The following ZFYVE1 variants were observed in gnomAD, a reference collection of about 807,000 sequenced individuals.
ZFYVE1 encodes the protein zinc finger FYVE domain-containing protein 1.
Under a neutral mutation model 74.4 loss-of-function variants are expected in ZFYVE1, and 30 were observed. That is an observed-to-expected ratio of 0.40 (90% CI 0.30 to 0.55). ZFYVE1 has a LOEUF of 0.55. Ranked by LOEUF, ZFYVE1 falls within the 20% of genes least tolerant of loss-of-function variation. The pLI, the probability that ZFYVE1 is intolerant of heterozygous loss-of-function variation, is 0.42. For missense variants in ZFYVE1, 703 were observed against 1,011.6 expected, an observed-to-expected ratio of 0.69 and a Z score of 4.14; for synonymous variants, 335 against 385.1, an observed-to-expected ratio of 0.87 and a Z score of 1.52.
In ZFYVE1 at chr14:73,001,137, G is replaced by A. The variant is rs551824369; in HGVS notation, c.484-2822C>T. Among the ~76,000 whole-genome samples the A allele has an allele frequency of 2.6e-5, 4 of 152,216 alleles. No individual in the cohort carries two copies. In the East Asian group the frequency reaches 7.7e-4, roughly 29 times the overall value. On this transcript the variant is annotated intron_variant, in intron 2 of 11. Transcript: ENST00000556143. ...CATATTCCTGCTGTTGCAAAATGTT[G>A]TTTATTTATTGAAGTAATATCTACT...
Position 72,979,025 on chromosome 14 carries a change from C to T in ZFYVE1, c.1311-56G>A. On this transcript the variant is annotated intron_variant, in intron 5 of 11. Transcript: ENST00000556143. ...CGGCTAAAGGAGCCAGTGCCACTTA[C>T]ACAGAACAGCCTGACCCTGAGCCAG... The T allele has an allele frequency of 5.4e-6, 8 of 1,489,086 alleles. No individual in the cohort carries two copies. In the South Asian group the frequency reaches 5.7e-5, roughly 11 times the overall value. 92.2% of individuals were successfully genotyped at this position (1,489,086 alleles called of 1,614,324 possible).
At chr14:72,999,623 T>C (rs991401499) in intron 2 of ZFYVE1, among the ~76,000 whole-genome samples, 2 of 151,670 alleles carry the variant, frequency 1.3e-5, no homozygotes, top group African/African-American at 4.8e-5. Flanking sequence ...AAGAAAACAT[T>C]TGTAGATCAA....
At position 72,974,952 on chromosome 14, in the gene ZFYVE1, T is replaced by C. The variant is rs1489081074; in HGVS notation, c.1814A>G (p.Asn605Ser). 12 of 1,607,966 alleles carry C rather than the reference T, an allele frequency of 7.5e-6. No homozygotes were observed. The highest frequency in any genetic ancestry group is 2.2e-5 in the East Asian group (1 of 44,696). Residue 605 changes from asparagine to serine, a missense_variant, in exon 10 of 12, where the codon AAC becomes AGC. By Grantham distance (46) the Asn-to-Ser change is conservative. Coordinates refer to ENST00000556143, the MANE Select transcript of ZFYVE1 (RefSeq NM_021260.4). ...ATCTTTAAAGGACGTCGCACACTTG[T>C]TGCAGCTCTGTTCCAAGCCCAAAAC... ...WRPNSQILSC[N>S]KCATSFKDND... is the part of the protein sequence containing the mutation.
rs546127849 is a variant in ZFYVE1 at position 72,970,198 on chromosome 14, G to A, written c.*684C>T. 4.5e-4 allele frequency: 77 copies of A among 172,112 alleles called. No homozygotes were observed. The highest frequency in any genetic ancestry group is 2.9e-3 in the Middle Eastern group (1 of 344). The allele number at this position is 172,112 out of a possible 1,614,324, so 10.7% of individuals were successfully genotyped here. ...ACGGCCCCTGCATTTCTACTTCTCAGGGCCGAAGACCCGACCTCTGACCCT... is the reference window on the plus strand; with the variant it reads ...ACGGCCCCTGCATTTCTACTTCTCAAGGCCGAAGACCCGACCTCTGACCCT... On this transcript the variant is annotated 3_prime_UTR_variant, in exon 12 of 12. Coordinates refer to ENST00000556143, the MANE Select transcript of ZFYVE1 (RefSeq NM_021260.4).
At chr14:72,977,452 T>C (rs1206842515) in intron 8 of ZFYVE1, among the ~76,000 whole-genome samples, 1 of 152,100 alleles carries the variant, frequency 6.6e-6, no homozygotes, top group Admixed American at 6.5e-5. Context: ...GGAATCCCAC[T>C]TCTTAGAATA....
rs1485649046 is a variant in ZFYVE1 at position 72,994,319 on chromosome 14, T to C, written c.989-962A>G. 7.2e-5 allele frequency among the ~76,000 whole-genome samples: 4 copies of C among 55,188 alleles called. No homozygotes were observed. In the South Asian group the frequency reaches 3.2e-3, roughly 44 times the overall value. 36.2% of individuals were successfully genotyped at this position (55,188 alleles called of 152,430 possible). A position where few individuals can be genotyped will look rare whatever the true frequency, so the allele number is the denominator to read the frequency against. On this transcript the variant is annotated intron_variant, in intron 3 of 11. Coordinates refer to ENST00000556143, the MANE Select transcript of ZFYVE1 (RefSeq NM_021260.4). ...GCCTGGGAGACAGAGCGAGACGCTG[T>C]CTCAAAAAAAAAAAAAAAAAAAAAA...
chr14:73,009,592 C>T (rs74500799), intron 2 of ZFYVE1, among the ~76,000 whole-genome samples: 1 of 152,122 alleles, frequency 6.6e-6, no homozygotes, highest in African/African-American at 2.4e-5. Flanking sequence ...CCCATCTCGA[C>T]TAAAAATACA....
chr14:72,975,075 C>T lies in ZFYVE1; in HGVS notation c.1807-116G>A. 1 of 1,135,704 alleles carries T rather than the reference C, an allele frequency of 8.8e-7. No homozygotes were observed. The highest frequency in any genetic ancestry group is 1.2e-6 in the Non-Finnish European group (1 of 814,622). 70.4% of individuals were successfully genotyped at this position (1,135,704 alleles called of 1,614,324 possible). On this transcript the variant is annotated intron_variant, in intron 9 of 11. Coordinates refer to ENST00000556143, the MANE Select transcript of ZFYVE1 (RefSeq NM_021260.4). This position sits in a 1 kb window ranked among gnomAD's most constrained non-coding sequence, Gnocchi z 4.1. ...GAAACTAAGGCAGGTGGCGTTAGCTCAACAAGGACAAGAGCTTTCTAGTAA... is the reference window on the plus strand; with the variant it reads ...GAAACTAAGGCAGGTGGCGTTAGCTTAACAAGGACAAGAGCTTTCTAGTAA...
In ZFYVE1 at chr14:72,970,252, G is replaced by A. The variant is rs1289695676; in HGVS notation, c.*630C>T. 6.0e-6 allele frequency: 1 copy of A among 165,428 alleles called. No individual in the cohort carries two copies. Among genetic ancestry groups the A allele is most frequent in the African/African-American group, 2.4e-5 (1 of 41,572 alleles). 10.2% of individuals were successfully genotyped at this position (165,428 alleles called of 1,614,324 possible). On this transcript the variant is annotated 3_prime_UTR_variant, in exon 12 of 12. Coordinates refer to ENST00000556143, the MANE Select transcript of ZFYVE1 (RefSeq NM_021260.4). ...CCCACTCCGGTGACCTGCACGCTAA[G>A]TTGGGTGGTCTCTGACTAAAACAGG...
chr14:73,026,334 C>T (rs561821617), intron 1 of ZFYVE1, among the ~76,000 whole-genome samples: 1 of 152,250 alleles, frequency 6.6e-6, no homozygotes, highest in South Asian at 2.1e-4. Context: ...TCCTAATTCC[C>T]CCTAGCCTTG....
chr14:72,976,253 T>C (rs1486226066), intron 8 of ZFYVE1, among the ~76,000 whole-genome samples: 1 of 152,200 alleles, frequency 6.6e-6, no homozygotes, highest in Non-Finnish European at 1.5e-5. Flanking sequence ...AGGGAAGGCA[T>C]CTGTATCCTC....
intron 11 of ZFYVE1, 74 bp downstream of exon 11, chr14:72,974,006 A>C (rs933626215): frequency 1.5e-6 from 2 of 1,364,042 alleles, no homozygotes; most frequent in Admixed American, 1.7e-5. Context: ...AGCCTTTACA[A>C]AGTGACAGCC....
Position 73,024,537 on chromosome 14 carries a change from C to G in ZFYVE1, c.-29G>C. 6.5e-7 allele frequency: 1 copy of G among 1,549,986 alleles called. No homozygotes were observed. On this transcript the variant is annotated 5_prime_UTR_variant, in exon 2 of 12. The change abolishes an upstream ATG in the 5' untranslated region. Transcript: ENST00000556143. ...CACGCTGGTAAGGAAACACACCCAC[C>G]ATATAATAGTCACTGAGCTTGCCCC... is the stretch of plus-strand genomic sequence containing the variant.
intron 2 of ZFYVE1, among the ~76,000 whole-genome samples, chr14:73,020,772 T>C (rs1302293006): frequency 1.3e-5 from 2 of 152,158 alleles, no homozygotes; most frequent in Non-Finnish European, 2.9e-5. Context: ...GGTCAGGAGT[T>C]GGAGATCATC....
rs765065335 is a variant in ZFYVE1 at position 72,994,433 on chromosome 14, TG to T, written c.989-1077del. ...TGTGAGAACTCAGGTTACCCTTTCCTGGTAAAGGACATGAGGAGGGCTTCTA... is the reference window on the plus strand; with the variant it reads ...TGTGAGAACTCAGGTTACCCTTTCCTGTAAAGGACATGAGGAGGGCTTCTA... On this transcript the variant is annotated intron_variant, in intron 3 of 11. Transcript: ENST00000556143. 5.2e-4 allele frequency among the ~76,000 whole-genome samples: 79 copies of T among 151,256 alleles called. 7 individuals are homozygous for T. Among genetic ancestry groups the T allele is most frequent in the Admixed American group, 1.3e-4 (2 of 15,136 alleles).
intron 2 of ZFYVE1, among the ~76,000 whole-genome samples, chr14:72,999,778 G>A (rs1893830569): frequency 6.6e-6 from 1 of 152,174 alleles, no homozygotes; most frequent in Non-Finnish European, 1.5e-5. Flanking sequence ...TAAACAAAGA[G>A]GCGGGGCATG....
In ZFYVE1 at chr14:72,975,157, G is replaced by A; in HGVS notation, c.1807-198C>T. On this transcript the variant is annotated intron_variant, in intron 9 of 11. Coordinates refer to ENST00000556143, the MANE Select transcript of ZFYVE1 (RefSeq NM_021260.4). The surrounding 1 kb of genome is among the most constrained non-coding windows in gnomAD (Gnocchi z 4.1). ...TGGACAGTGAGTTTCCTTTCACTAA[G>A]TGTCTGGGTTGAAGCTGGGTGCTCT... The A allele has an allele frequency of 1.7e-6, 1 of 598,852 alleles. No homozygotes were observed. The highest frequency in any genetic ancestry group is 2.8e-6 in the Non-Finnish European group (1 of 358,878). 37.1% of individuals were successfully genotyped at this position (598,852 alleles called of 1,614,324 possible).
intron 2 of ZFYVE1, among the ~76,000 whole-genome samples, chr14:73,004,207 C>T (rs764337281): frequency 3.3e-5 from 5 of 152,112 alleles, no homozygotes; most frequent in African/African-American, 9.7e-5. Context: ...AAAGCTCTAC[C>T]GGCACGGAGT....
At chr14:72,979,630 G>C (rs1893272132) in intron 5 of ZFYVE1, among the ~76,000 whole-genome samples, 1 of 151,454 alleles carries the variant, frequency 6.6e-6, no homozygotes, top group Non-Finnish European at 1.5e-5. Flanking sequence ...CTCCAGCCTG[G>C]GCAACAGCGA....
Sources: gnomAD v4.1 joint callset for allele counts (sites outside exome capture counted in the v4.1 genomes callset) on GRCh38, gnomAD v4.1.1 for gene constraint, Gnocchi (gnomAD v3.1) non-coding constraint, MANE v1.5 for transcripts, NCBI Gene and HGNC (gene_info 2026-07-23, HGNC 2026-07-21) for gene names.